CHD3: variants seen among roughly 807,000 people sequenced by gnomAD.
CHD3 encodes the protein ATP-dependent chromatin remodeler CHD3.
In CHD3, 52 loss-of-function variants were observed where a neutral mutation model predicts 248.9. That is an observed-to-expected ratio of 0.21 (90% CI 0.17 to 0.26). CHD3 has a LOEUF of 0.26. Among genes scored for constraint, CHD3 ranks in the 10% least tolerant of loss-of-function variants. The probability of loss-of-function intolerance (pLI) is 1.00; values close to 1 mark genes in which losing one functional copy is unlikely to be tolerated. For missense variants in CHD3, 1,482 were observed against 2,605.8 expected (o/e 0.57, Z 9.39); for synonymous variants, 985 against 985.2 (o/e 1.00, Z 0.00).
Position 7,905,305 on chromosome 17 carries a change from A to G in CHD3, c.4138+140A>G, listed in dbSNP as rs1970795897. ...CGATTGCAGATGAGCAGAAAGGAAG[A>G]AATATTCATAGTCTCTCTGCTAGTA... On this transcript the variant is annotated intron_variant, in intron 26 of 39. Coordinates refer to ENST00000330494, the MANE Select transcript of CHD3 (RefSeq NM_001005273.3). This position sits in a 1 kb window ranked among gnomAD's most constrained non-coding sequence, Gnocchi z 5.8. 1 of 762,296 alleles carries G rather than the reference A, an allele frequency of 1.3e-6. No individual in the cohort carries two copies. The highest frequency in any genetic ancestry group is 1.7e-5 in the African/African-American group (1 of 58,160). 47.2% of individuals were successfully genotyped at this position (762,296 alleles called of 1,614,324 possible). A position where few individuals can be genotyped will look rare whatever the true frequency, so the allele number is the denominator to read the frequency against.
rs1971167661 is a variant in CHD3 at position 7,907,747 on chromosome 17, A to C, written c.5026+45A>C. On this transcript the variant is annotated intron_variant, in intron 33 of 39. Transcript: ENST00000330494. The surrounding 1 kb of genome is among the most constrained non-coding windows in gnomAD (Gnocchi z 4.3). ...GGACACCTGGGTCCCAGAGGGCATC[A>C]GGGGAGGTGGAGTCTGGGGAACCGA... 6.0e-6 allele frequency: 9 copies of C among 1,510,162 alleles called. No homozygotes were observed. Among genetic ancestry groups the C allele is most frequent in the Non-Finnish European group, 8.0e-6 (9 of 1,130,866 alleles). The allele number at this position is 1,510,162 out of a possible 1,614,324, so 93.5% of individuals were successfully genotyped here.
At chr17:7,898,146 G>A in intron 12 of CHD3, 44 bp downstream of exon 12, 3 of 1,604,898 alleles carry the variant, frequency 1.9e-6, no homozygotes, top group Non-Finnish European at 2.6e-6. Context: ...TGACGATGAG[G>A]GCATGAAAGC....
At position 7,903,466 on chromosome 17, in the gene CHD3, A is replaced by G; in HGVS notation, c.3690A>G (p.Lys1230=). Residue 1230 remains lysine, a synonymous_variant, in exon 23 of 40, where the codon AAA becomes AAG. Transcript: ENST00000330494. The surrounding 1 kb of genome is among the most constrained non-coding windows in gnomAD (Gnocchi z 6.8). ...AGCAGGAGCTTGACGACATTCTCAA[A>G]TTTGGCACTGAAGAGCTATTCAAGG... is the stretch of plus-strand genomic sequence containing the variant. ...MSKQELDDIL[K]FGTEELFKDE... 1 of 1,614,104 alleles carries G rather than the reference A, an allele frequency of 6.2e-7. No individual in the cohort carries two copies. Among genetic ancestry groups the G allele is most frequent in the Non-Finnish European group, 8.5e-7 (1 of 1,179,996 alleles).
rs918307229 is a variant in CHD3, at chr17:7,904,655, G to A, written c.4072+36G>A. On this transcript the variant is annotated intron_variant, in intron 25 of 39. Coordinates refer to ENST00000330494, the MANE Select transcript of CHD3 (RefSeq NM_001005273.3). This position sits in a 1 kb window ranked among gnomAD's most constrained non-coding sequence, Gnocchi z 4.4. ...CCCCAGATGCAGGCAGTAAAGGGGGGAAGTGATGATGAGTAGGGACTTGAA... is the reference window on the plus strand; with the variant it reads ...CCCCAGATGCAGGCAGTAAAGGGGGAAAGTGATGATGAGTAGGGACTTGAA... 1.3e-6 allele frequency: 2 copies of A among 1,587,038 alleles called. No individual in the cohort carries two copies. The highest frequency in any genetic ancestry group is 1.7e-6 in the Non-Finnish European group (2 of 1,159,348).
chr17:7,911,561 G>A lies in CHD3; in HGVS notation c.5979G>A (p.Gly1993=). 1.2e-6 allele frequency: 2 copies of A among 1,614,182 alleles called. No individual in the cohort carries two copies. Among genetic ancestry groups the A allele is most frequent in the Non-Finnish European group, 1.7e-6 (2 of 1,179,996 alleles). The change falls in exon 40 of 40, where the codon GGG becomes GGA. Residue 1993 remains glycine (G), a synonymous_variant. Coordinates refer to ENST00000330494, the MANE Select transcript of CHD3 (RefSeq NM_001005273.3). This position sits in a 1 kb window ranked among gnomAD's most constrained non-coding sequence, Gnocchi z 5.4. The part of the protein sequence containing the change: ...DGLDRKEPRA[G]EVICIDD ...TGGATCGGAAGGAGCCCCGAGCCGG[G>A]GAGGTGATCTGTATAGACGACTGAC...
chr17:7,902,737 A>G lies in CHD3; in HGVS notation c.3370+10A>G. 1 of 1,608,750 alleles carries G rather than the reference A, an allele frequency of 6.2e-7. No individual in the cohort carries two copies. The highest frequency in any genetic ancestry group is 8.5e-7 in the Non-Finnish European group (1 of 1,175,630). The stretch of plus-strand genomic sequence containing the variant: ...ATCGATCGGTTTAATGGTGAGGGAG[A>G]TACACTGGTCCCTGGTGGGTGTGGG... On this transcript the variant is annotated intron_variant, in intron 21 of 39. Transcript: ENST00000330494.
chr17:7,908,539 A>G lies in CHD3; in HGVS notation c.5261+29A>G. On this transcript the variant is annotated intron_variant, in intron 35 of 39. Coordinates refer to ENST00000330494, the MANE Select transcript of CHD3 (RefSeq NM_001005273.3). This position sits in a 1 kb window ranked among gnomAD's most constrained non-coding sequence, Gnocchi z 5.8. ...TCCTTTGATACACATGCAAGAAGGA[A>G]AAGGTTCTCTCAAGCTGGCAAAAAA... The G allele has an allele frequency of 6.2e-7, 1 of 1,602,112 alleles. No homozygotes were observed. Among genetic ancestry groups the G allele is most frequent in the Non-Finnish European group, 8.5e-7 (1 of 1,170,408 alleles).
At position 7,899,142 on chromosome 17, in the gene CHD3, T is replaced by C. The variant is rs1356892542; in HGVS notation, c.2283T>C (p.Asp761=). The C allele has an allele frequency of 6.2e-7, 1 of 1,613,662 alleles. No individual in the cohort carries two copies. The highest frequency in any genetic ancestry group is 8.5e-7 in the Non-Finnish European group (1 of 1,179,740). ...AGGGCACTGACACCATTCTAGCTGA[T>C]GAGATGGGGCTAGGCAAGACCATAC... ...WAQGTDTILA[D]EMGLGKTIQT... Residue 761 remains aspartate, a synonymous_variant, in exon 14 of 40, where the codon GAT becomes GAC. Transcript: ENST00000330494. The surrounding 1 kb of genome is among the most constrained non-coding windows in gnomAD (Gnocchi z 6.8).
chr17:7,903,923 G>A lies in CHD3; in HGVS notation c.3826G>A (p.Val1276Met), dbSNP rs1160138249. Residue 1276 changes from valine to methionine, a missense_variant, in exon 24 of 40, where the codon GTG becomes ATG. Transcript: ENST00000330494. This position sits in a 1 kb window ranked among gnomAD's most constrained non-coding sequence, Gnocchi z 6.8. ...RNQDATEDTD[V>M]QNMNEYLSSF... ...CCAGGATGCAACTGAGGACACTGAC[G>A]TGCAGAACATGAATGAGTATCTCAG... 2 of 1,614,054 alleles carry A rather than the reference G, an allele frequency of 1.2e-6. No homozygotes were observed. Among genetic ancestry groups the A allele is most frequent in the Non-Finnish European group, 8.5e-7 (1 of 1,180,034 alleles).
intron 19 of CHD3, 63 bp from the exon 20 acceptor site, chr17:7,901,181 G>A (rs1679881553): frequency 6.5e-7 from 1 of 1,542,168 alleles, no homozygotes; most frequent in East Asian, 2.3e-5. Flanking sequence ...TTCTAGGTGT[G>A]GCAAGAATAT....
In CHD3 at chr17:7,904,241, T is replaced by A. The variant is rs1970646755; in HGVS notation, c.3895-201T>A. Reference sequence around the variant, plus strand: ...CTGTCAGAGGGATTAGAGGAGAGATTTAGAAAACATGAGGAGAGCACATTG... The same window carrying A: ...CTGTCAGAGGGATTAGAGGAGAGATATAGAAAACATGAGGAGAGCACATTG... On this transcript the variant is annotated intron_variant, in intron 24 of 39. Coordinates refer to ENST00000330494, the MANE Select transcript of CHD3 (RefSeq NM_001005273.3). This position sits in a 1 kb window ranked among gnomAD's most constrained non-coding sequence, Gnocchi z 4.4. The A allele has an allele frequency of 3.2e-6, 2 of 625,162 alleles. No individual in the cohort carries two copies. Among genetic ancestry groups the A allele is most frequent in the Admixed American group, 5.9e-5 (2 of 33,834 alleles). The allele number at this position is 625,162 out of a possible 1,614,324, so 38.7% of individuals were successfully genotyped here.
At position 7,908,543 on chromosome 17, in the gene CHD3, G is replaced by C. The variant is rs750944395; in HGVS notation, c.5261+33G>C. ...TTGATACACATGCAAGAAGGAAAAGGTTCTCTCAAGCTGGCAAAAAAAAAA... is the reference window on the plus strand; with the variant it reads ...TTGATACACATGCAAGAAGGAAAAGCTTCTCTCAAGCTGGCAAAAAAAAAA... On this transcript the variant is annotated intron_variant, in intron 35 of 39. Transcript: ENST00000330494. This position sits in a 1 kb window ranked among gnomAD's most constrained non-coding sequence, Gnocchi z 5.8. 8.2e-6 allele frequency: 13 copies of C among 1,590,310 alleles called. No homozygotes were observed. Among genetic ancestry groups the C allele is most frequent in the Admixed American group, 1.7e-5 (1 of 58,824 alleles).
chr17:7,904,763 C>A lies in CHD3; in HGVS notation c.4072+144C>A. 1 of 843,454 alleles carries A rather than the reference C, an allele frequency of 1.2e-6. No homozygotes were observed. Among genetic ancestry groups the A allele is most frequent in the Non-Finnish European group, 1.8e-6 (1 of 554,030 alleles). 52.2% of individuals were successfully genotyped at this position (843,454 alleles called of 1,614,324 possible). On this transcript the variant is annotated intron_variant, in intron 25 of 39. Coordinates refer to ENST00000330494, the MANE Select transcript of CHD3 (RefSeq NM_001005273.3). This position sits in a 1 kb window ranked among gnomAD's most constrained non-coding sequence, Gnocchi z 4.4. ...AAAAGGGAAAGACATAAGGTAGAGT[C>A]ATTAGGAACTACCCAGAGGCCAGGT... is the stretch of plus-strand genomic sequence containing the variant.
In CHD3 at chr17:7,905,320, C is replaced by G. The variant is rs1386929263; in HGVS notation, c.4138+155C>G. On this transcript the variant is annotated intron_variant, in intron 26 of 39. Coordinates refer to ENST00000330494, the MANE Select transcript of CHD3 (RefSeq NM_001005273.3). This position sits in a 1 kb window ranked among gnomAD's most constrained non-coding sequence, Gnocchi z 5.8. ...AGAAAGGAAGAAATATTCATAGTCT[C>G]TCTGCTAGTAAACTTCGGTGTGTGT... 3 of 720,218 alleles carry G rather than the reference C, an allele frequency of 4.2e-6. No individual in the cohort carries two copies. Among genetic ancestry groups the G allele is most frequent in the African/African-American group, 1.8e-5 (1 of 57,120 alleles). 44.6% of individuals were successfully genotyped at this position (720,218 alleles called of 1,614,324 possible). A position where few individuals can be genotyped will look rare whatever the true frequency, so the allele number is the denominator to read the frequency against.
chr17:7,905,081 G>A lies in CHD3; in HGVS notation c.4073-19G>A. On this transcript the variant is annotated intron_variant, in intron 25 of 39. Transcript: ENST00000330494. This position sits in a 1 kb window ranked among gnomAD's most constrained non-coding sequence, Gnocchi z 5.8. ...CCCGAGAGCCCTCCCTGACCACTGG[G>A]CCCTTTCCACCCCCACAGACAACCA... is the stretch of plus-strand genomic sequence containing the variant. 6.2e-7 allele frequency: 1 copy of A among 1,613,580 alleles called. No homozygotes were observed.
Position 7,895,569 on chromosome 17 carries a change from C to T in CHD3, c.1707+27C>T. 6.3e-7 allele frequency: 1 copy of T among 1,586,886 alleles called. No individual in the cohort carries two copies. The highest frequency in any genetic ancestry group is 8.6e-7 in the Non-Finnish European group (1 of 1,156,164). On this transcript the variant is annotated intron_variant, in intron 10 of 39. Transcript: ENST00000330494. The surrounding 1 kb of genome is among the most constrained non-coding windows in gnomAD (Gnocchi z 4.9). The stretch of plus-strand genomic sequence containing the variant: ...TACTAGGACCTTTTCTTTCCCTCTC[C>T]CCCATGACCTCATTTCCTGCCATCC...
At position 7,891,032 on chromosome 17, in the gene CHD3, C is replaced by G; in HGVS notation, c.477C>G (p.Leu159=). Residue 159 remains leucine, a synonymous_variant, in exon 4 of 40, where the codon CTC becomes CTG. Coordinates refer to ENST00000330494, the MANE Select transcript of CHD3 (RefSeq NM_001005273.3). The part of the protein sequence containing the change: ...HVFSEEDYHT[L]TNYKAFSQFM... ...TCTCTGAGGAGGATTACCACACGCT[C>G]ACCAACTACAAAGCCTTCAGCCAGT... is the stretch of plus-strand genomic sequence containing the variant. 6.2e-7 allele frequency: 1 copy of G among 1,614,146 alleles called. No individual in the cohort carries two copies. The highest frequency in any genetic ancestry group is 8.5e-7 in the Non-Finnish European group (1 of 1,180,012).
Position 7,897,617 on chromosome 17 carries a change from C to T in CHD3, c.1919+323C>T, listed in dbSNP as rs1969846266. 6.6e-6 allele frequency among the ~76,000 whole-genome samples: 1 copy of T among 152,104 alleles called. No individual in the cohort carries two copies. Among genetic ancestry groups the T allele is most frequent in the South Asian group, 2.1e-4 (1 of 4,830 alleles). On this transcript the variant is annotated intron_variant, in intron 11 of 39. Coordinates refer to ENST00000330494, the MANE Select transcript of CHD3 (RefSeq NM_001005273.3). This position sits in a 1 kb window ranked among gnomAD's most constrained non-coding sequence, Gnocchi z 4.8. ...ATCCAGACCAGTGTTTTGAATGTTT[C>T]TTCTTCATAGTACTTATTACTGCCT...
Position 7,899,249 on chromosome 17 carries a change from T to C in CHD3, c.2343+47T>C. 6.2e-7 allele frequency: 1 copy of C among 1,600,738 alleles called. No homozygotes were observed. Among genetic ancestry groups the C allele is most frequent in the Non-Finnish European group, 8.5e-7 (1 of 1,169,780 alleles). On this transcript the variant is annotated intron_variant, in intron 14 of 39. Transcript: ENST00000330494. The surrounding 1 kb of genome is among the most constrained non-coding windows in gnomAD (Gnocchi z 6.8). ...AAGGGGACCGCCTGGACTGGGGAAG[T>C]GGGGAGGGGGAAGATAAAGGGGTGT...
Sources: gnomAD v4.1 joint callset for allele counts (sites outside exome capture counted in the v4.1 genomes callset) on GRCh38, gnomAD v4.1.1 for gene constraint, Gnocchi (gnomAD v3.1) non-coding constraint, MANE v1.5 for transcripts, NCBI Gene and HGNC (gene_info 2026-07-23, HGNC 2026-07-21) for gene names.